Variants in UGT2A2 observed in about 807,000 individuals in gnomAD.
The protein encoded by UGT2A2 is UDP glucuronosyltransferase family 2 member A2, also known as UDP-glucuronosyltransferase 2A2.
In UGT2A2, 60 loss-of-function variants were observed where a neutral mutation model predicts 50.7. The observed-to-expected ratio is 1.18, with a 90% CI of 0.96 to 1.47. The LOEUF is 1.47. Among genes scored for constraint, UGT2A2 ranks in the 40% most tolerant of loss-of-function variants. The pLI is 0.00. For missense variants in UGT2A2, 762 were observed against 634.0 expected (o/e 1.20, Z -2.17); for synonymous variants, 242 against 214.6 (o/e 1.13, Z -1.11).
At chr4:69,622,505 G>T (rs1461756037) in intron 1 of UGT2A2, among the ~76,000 whole-genome samples, 3 of 151,820 alleles carry the variant, frequency 2.0e-5, no homozygotes, top group African/African-American at 7.2e-5. Flanking sequence ...AAATAGATTT[G>T]AAAACAATTG....
At chr4:69,628,931 C>T (rs1191394401) in intron 1 of UGT2A2, among the ~76,000 whole-genome samples, 1 of 151,626 alleles carries the variant, frequency 6.6e-6, no homozygotes, top group East Asian at 1.9e-4. Flanking sequence ...CAATTTCCCT[C>T]AGCTATTAGT....
At chr4:69,590,716 C>T (rs1284185518) in intron 5 of UGT2A2, among the ~76,000 whole-genome samples, 1 of 151,884 alleles carries the variant, frequency 6.6e-6, no homozygotes, top group Non-Finnish European at 1.5e-5. Flanking sequence ...TCACATGGAT[C>T]ATCCGAATAT....
At chr4:69,623,828 G>A (rs948269729) in intron 1 of UGT2A2, among the ~76,000 whole-genome samples, 2 of 151,366 alleles carry the variant, frequency 1.3e-5, no homozygotes, top group Non-Finnish European at 3.0e-5. Context: ...AGATTCATTT[G>A]AAAGTAAATT....
At position 69,602,713 on chromosome 4, in the gene UGT2A2, C is replaced by T. The variant is rs117855905; in HGVS notation, c.743-3319G>A. On this transcript the variant is annotated intron_variant, in intron 1 of 5. Coordinates refer to ENST00000604629, the MANE Select transcript of UGT2A2 (RefSeq NM_001105677.2). ...ACAAAAGTTACATAATCTATTCATGCTTATAATTGCAAAATTGTATTAAAA... is the reference window on the plus strand; with the variant it reads ...ACAAAAGTTACATAATCTATTCATGTTTATAATTGCAAAATTGTATTAAAA... 2.7e-4 allele frequency among the ~76,000 whole-genome samples: 37 copies of T among 137,258 alleles called. 4 individuals carry two copies. The East Asian group carries it at 7.6e-3, about 28-fold the overall frequency. 90.0% of individuals were successfully genotyped at this position (137,258 alleles called of 152,430 possible). A position where few individuals can be genotyped will look rare whatever the true frequency, so the allele number is the denominator to read the frequency against.
intron 1 of UGT2A2, among the ~76,000 whole-genome samples, chr4:69,607,228 C>A (rs528709601): frequency 7.4e-6 from 1 of 134,558 alleles, no homozygotes; most frequent in Non-Finnish European, 1.7e-5. Flanking sequence ...GAGATAAAGA[C>A]CAATGGAACA....
At chr4:69,633,911 TA>T (rs1259961321) in intron 1 of UGT2A2, among the ~76,000 whole-genome samples, 1 of 152,108 alleles carries the variant, frequency 6.6e-6, no homozygotes, top group Non-Finnish European at 1.5e-5. Flanking sequence ...CAATGAGCTA[TA>T]AAGTTTAGGA....
rs1718478818 is a variant in UGT2A2, at chr4:69,589,658, G to C, written c.1332-7C>G. ...CATAGCATTCTCTTTATAACTAGAAGACAAATAAATAGGCAGAAATTAGAC... is the reference window on the plus strand; with the variant it reads ...CATAGCATTCTCTTTATAACTAGAACACAAATAAATAGGCAGAAATTAGAC... On this transcript the variant is annotated splice_region_variant and splice_polypyrimidine_tract_variant and intron_variant, in intron 5 of 5. Coordinates refer to ENST00000604629, the MANE Select transcript of UGT2A2 (RefSeq NM_001105677.2). 6.3e-7 allele frequency: 1 copy of C among 1,588,682 alleles called. No individual in the cohort carries two copies. Among genetic ancestry groups the C allele is most frequent in the Non-Finnish European group, 8.6e-7 (1 of 1,166,296 alleles).
At chr4:69,591,180 C>A (rs1718576789) in intron 5 of UGT2A2, among the ~76,000 whole-genome samples, 1 of 152,048 alleles carries the variant, frequency 6.6e-6, no homozygotes, top group Non-Finnish European at 1.5e-5. Context: ...TTATTTGTAG[C>A]AAAATATGAG....
At chr4:69,635,018 CG>C (rs1189212145) in intron 1 of UGT2A2, among the ~76,000 whole-genome samples, 2 of 151,954 alleles carry the variant, frequency 1.3e-5, no homozygotes, top group African/African-American at 4.8e-5. Flanking sequence ...ATGGATACCC[CG>C]TACTCCAGGA....
Position 69,606,353 on chromosome 4 carries a change from G to C in UGT2A2, c.743-6959C>G, listed in dbSNP as rs1458836911. 1.5e-4 allele frequency among the ~76,000 whole-genome samples: 21 copies of C among 136,066 alleles called. 2 individuals are homozygous for C. The highest frequency in any genetic ancestry group is 1.5e-3 in the Admixed American group (21 of 13,842). 89.3% of individuals were successfully genotyped at this position (136,066 alleles called of 152,430 possible). ...GATTATCTCAATAGATGCAGAAAAGGCCTTGAAAAAATTCAACAACGCTTC... is the reference window on the plus strand; with the variant it reads ...GATTATCTCAATAGATGCAGAAAAGCCCTTGAAAAAATTCAACAACGCTTC... On this transcript the variant is annotated intron_variant, in intron 1 of 5. Coordinates refer to ENST00000604629, the MANE Select transcript of UGT2A2 (RefSeq NM_001105677.2).
chr4:69,604,827 C>T (rs1196488404), intron 1 of UGT2A2, among the ~76,000 whole-genome samples: 1 of 136,524 alleles, frequency 7.3e-6, no homozygotes, highest in Admixed American at 7.2e-5. Flanking sequence ...ACAAAGAAGG[C>T]CATTACATAA....
rs1560491381 is a variant in UGT2A2, at chr4:69,635,403, AC to A, written c.742+3495del. Among the ~76,000 whole-genome samples, 3 of 152,316 alleles carry A rather than the reference AC, an allele frequency of 2.0e-5. No individual in the cohort carries two copies. The South Asian group carries it at 6.2e-4, about 32-fold the overall frequency. On this transcript the variant is annotated intron_variant, in intron 1 of 5. Transcript: ENST00000604629. Reference sequence around the variant, plus strand: ...GAGCCATCCAGTTTCCAGTGGCCTTACCTGTCTAACCATTTTCACTACAGTG... The same window carrying A: ...GAGCCATCCAGTTTCCAGTGGCCTTACTGTCTAACCATTTTCACTACAGTG...
rs1295065189 is a variant in UGT2A2 at position 69,628,596 on chromosome 4, T to C, written c.742+10303A>G. 2.0e-5 allele frequency among the ~76,000 whole-genome samples: 3 copies of C among 151,558 alleles called. No homozygotes were observed. The East Asian group carries it at 5.8e-4, about 30-fold the overall frequency. ...TATCTGAAGCCATCACTCTTCAAAT[T>C]TGATGAAAAAAATTCTTAAAACTTA... On this transcript the variant is annotated intron_variant, in intron 1 of 5. Transcript: ENST00000604629.
At chr4:69,632,152 GAT>G (rs2109956919) in intron 1 of UGT2A2, among the ~76,000 whole-genome samples, 1 of 152,192 alleles carries the variant, frequency 6.6e-6, no homozygotes, top group East Asian at 1.9e-4. Flanking sequence ...TGAATTCAAA[GAT>G]AATTACATTC....
At chr4:69,623,187 A>G (rs1720849771) in intron 1 of UGT2A2, among the ~76,000 whole-genome samples, 3 of 151,796 alleles carry the variant, frequency 2.0e-5, no homozygotes, top group African/African-American at 7.2e-5. Flanking sequence ...CCTCATGACA[A>G]TTCATCAAAA....
Position 69,588,717 on chromosome 4 carries a change from G to T in UGT2A2, c.*655C>A, listed in dbSNP as rs547903289. 1.3e-5 allele frequency: 2 copies of T among 152,040 alleles called. No individual in the cohort carries two copies. The highest frequency in any genetic ancestry group is 2.1e-4 in the South Asian group (1 of 4,818). 9.4% of individuals were successfully genotyped at this position (152,040 alleles called of 1,614,324 possible). ...ACAGTACCCAAATCTTCCACTACAG[G>T]TTATATAAGAATATATGTTGAAGAA... On this transcript the variant is annotated 3_prime_UTR_variant, in exon 6 of 6. Transcript: ENST00000604629.
intron 1 of UGT2A2, among the ~76,000 whole-genome samples, chr4:69,632,887 A>G (rs1402001106): frequency 7.0e-6 from 1 of 142,540 alleles, no homozygotes; most frequent in Admixed American, 7.0e-5. Context: ...GACTCGGTCA[A>G]AAAAAAAAAA....
In UGT2A2 at chr4:69,605,897, C is replaced by T. The variant is rs556774536; in HGVS notation, c.743-6503G>A. On this transcript the variant is annotated intron_variant, in intron 1 of 5. Coordinates refer to ENST00000604629, the MANE Select transcript of UGT2A2 (RefSeq NM_001105677.2). The stretch of plus-strand genomic sequence containing the variant: ...GGAAGACATTGAATCTCTGAATAGA[C>T]CAATAACAGGCTCTGAAATTGAGGC... Among the ~76,000 whole-genome samples, 2 of 136,804 alleles carry T rather than the reference C, an allele frequency of 1.5e-5. 1 individual carries two copies. The highest frequency in any genetic ancestry group is 5.9e-5 in the African/African-American group (2 of 33,848). The allele number at this position is 136,804 out of a possible 152,430, so 89.7% of individuals were successfully genotyped here.
In UGT2A2 at chr4:69,639,172, C is replaced by T. The variant is rs191574645; in HGVS notation, c.469G>A (p.Val157Ile). ...CCACAGATTGTTACTGGGTCTGCTA[C>T]CAACACATCAAAACCACCTTTCTGA... ...RLQKGGFDVL[V>I]ADPVTICGDL... is the part of the protein sequence containing the mutation. Residue 157 changes from valine to isoleucine, a missense_variant, in exon 1 of 6, where the codon GTA (valine) becomes ATA (isoleucine). Physicochemically the swap from Val to Ile is conservative, Grantham distance 29. Coordinates refer to ENST00000604629, the MANE Select transcript of UGT2A2 (RefSeq NM_001105677.2). 3,438 of 1,613,632 alleles carry T rather than the reference C, an allele frequency of 2.1e-3. 13 individuals are homozygous for T. The highest frequency in any genetic ancestry group is 2.6e-3 in the Non-Finnish European group (3,069 of 1,179,742).
Sources: allele counts gnomAD v4.1 joint callset (sites outside exome capture counted in the v4.1 genomes callset), GRCh38; gene constraint gnomAD v4.1.1; transcripts MANE v1.5; gene names NCBI Gene and HGNC (gene_info 2026-07-23, HGNC 2026-07-21).